Variants in ARL15 observed in about 807,000 individuals in gnomAD.
ARL15 encodes the protein ARF like GTPase 15, also known as ADP-ribosylation factor-like protein 15.
In ARL15, 19 loss-of-function variants were observed where a neutral mutation model predicts 25.2. That is an observed-to-expected ratio of 0.75 (90% CI 0.53 to 1.10). The LOEUF (loss-of-function observed/expected upper bound fraction) is 1.10. Among genes scored for constraint, ARL15 ranks in the 50% least tolerant of loss-of-function variants. The probability of loss-of-function intolerance (pLI) is 0.00; values close to 1 mark genes in which losing one functional copy is unlikely to be tolerated. For synonymous variants in ARL15, 94 were observed against 86.8 expected (o/e 1.08, Z -0.46); for missense variants, 220 against 246.0 (o/e 0.89, Z 0.71).
chr5:53,936,452 G>C (rs1561156713), intron 4 of ARL15, among the ~76,000 whole-genome samples: 1 of 152,174 alleles, frequency 6.6e-6, no homozygotes, highest in African/African-American at 2.4e-5. Context: ...TGACACTATT[G>C]TCTAGCTTGG....
At chr5:54,026,836 AT>A (rs1458371890) in intron 4 of ARL15, among the ~76,000 whole-genome samples, 1 of 152,124 alleles carries the variant, frequency 6.6e-6, no homozygotes, top group Non-Finnish European at 1.5e-5. Flanking sequence ...AGGACTGGGC[AT>A]TTGAGGGTTG....
intron 4 of ARL15, among the ~76,000 whole-genome samples, chr5:54,005,180 A>G (rs1748985374): frequency 6.6e-6 from 1 of 152,066 alleles, no homozygotes; most frequent in African/African-American, 2.4e-5. Flanking sequence ...AGATATGGGA[A>G]CTGAGGCTTC....
At chr5:54,239,805 C>G (rs1756906551) in intron 1 of ARL15, among the ~76,000 whole-genome samples, 1 of 152,134 alleles carries the variant, frequency 6.6e-6, no homozygotes, top group South Asian at 2.1e-4. Context: ...AGATGGGAGG[C>G]TGGGTCCTGG....
intron 4 of ARL15, among the ~76,000 whole-genome samples, chr5:54,106,358 T>C (rs1014547308): frequency 1.3e-5 from 2 of 152,026 alleles, no homozygotes; most frequent in Non-Finnish European, 2.9e-5. Flanking sequence ...CTGGATAAAG[T>C]TGATGGTATG....
chr5:54,092,202 T>C (rs1364520246), intron 4 of ARL15, among the ~76,000 whole-genome samples: 2 of 152,200 alleles, frequency 1.3e-5, no homozygotes, highest in African/African-American at 2.4e-5. Flanking sequence ...TTCCAAGTGA[T>C]GTCCACAATC....
rs186956560 is a variant in ARL15, at chr5:53,920,546, C to T, written c.463-33833G>A. On this transcript the variant is annotated intron_variant, in intron 4 of 4. Transcript: ENST00000504924. ...TGCCAGCAGGTGCAGTGGTTCATGA[C>T]TGCAATCCCAGCACTTTGGGATGGC... Among the ~76,000 whole-genome samples, 865 of 151,966 alleles carry T rather than the reference C, an allele frequency of 5.7e-3. 6 individuals are homozygous for T. The highest frequency in any genetic ancestry group is 8.8e-3 in the Non-Finnish European group (600 of 67,984).
intron 1 of ARL15, among the ~76,000 whole-genome samples, chr5:54,240,661 G>A (rs1241777918): frequency 1.3e-5 from 2 of 152,144 alleles, no homozygotes; most frequent in African/African-American, 2.4e-5. Flanking sequence ...AAAACTGGGT[G>A]AACATGTGAA....
intron 3 of ARL15, among the ~76,000 whole-genome samples, chr5:54,141,792 TAGAA>T (rs1753789497): frequency 1.3e-5 from 2 of 152,234 alleles, no homozygotes; most frequent in South Asian, 4.1e-4. Flanking sequence ...TTTATATAAA[TAGAA>T]TACAAATTTA....
intron 2 of ARL15, among the ~76,000 whole-genome samples, chr5:54,170,383 C>T (rs1754682225): frequency 6.6e-6 from 1 of 152,172 alleles, no homozygotes; most frequent in Admixed American, 6.6e-5. Context: ...CTCAAATGGA[C>T]ATCTGATCAT....
At chr5:54,160,723 G>A (rs1009475841) in intron 2 of ARL15, among the ~76,000 whole-genome samples, 15 of 152,108 alleles carry the variant, frequency 9.9e-5, no homozygotes, top group Non-Finnish European at 1.8e-4. Flanking sequence ...TTATGTCAGA[G>A]GTGAAAAATT....
At chr5:54,260,421 G>T (rs959454636) in intron 1 of ARL15, among the ~76,000 whole-genome samples, 1 of 152,074 alleles carries the variant, frequency 6.6e-6, no homozygotes, top group Non-Finnish European at 1.5e-5. Context: ...GTTTTCTTTT[G>T]ATATGTCTAT....
rs578118071 is a variant in ARL15, at chr5:53,886,241, A to G, written c.*320T>C. On this transcript the variant is annotated 3_prime_UTR_variant, in exon 5 of 5. Coordinates refer to ENST00000504924, the MANE Select transcript of ARL15 (RefSeq NM_019087.3). Reference sequence around the variant, plus strand: ...GTCCTTCAAAAGGGATTTGATTTCCATAAGCCATGAATTCCATCCGTTTCA... The same window carrying G: ...GTCCTTCAAAAGGGATTTGATTTCCGTAAGCCATGAATTCCATCCGTTTCA... The G allele has an allele frequency of 7.7e-5, 14 of 182,194 alleles. No homozygotes were observed. The highest frequency in any genetic ancestry group is 1.5e-4 in the Non-Finnish European group (13 of 88,060). The allele number at this position is 182,194 out of a possible 1,614,324, so 11.3% of individuals were successfully genotyped here. A position where few individuals can be genotyped will look rare whatever the true frequency, so the allele number is the denominator to read the frequency against.
intron 4 of ARL15, among the ~76,000 whole-genome samples, chr5:54,100,206 A>G (rs1752397909): frequency 6.6e-6 from 1 of 152,156 alleles, no homozygotes; most frequent in Admixed American, 6.5e-5. Flanking sequence ...ATTATCATAT[A>G]TTATTTAGAG....
chr5:54,171,703 G>C (rs1373868576), intron 2 of ARL15, 81 bp downstream of exon 2: 2 of 1,439,110 alleles, frequency 1.4e-6, no homozygotes, highest in Non-Finnish European at 1.9e-6. Flanking sequence ...ATAAGTAGAA[G>C]GGAGGGGATA....
At chr5:54,021,633 G>A (rs1749605899) in intron 4 of ARL15, among the ~76,000 whole-genome samples, 2 of 152,106 alleles carry the variant, frequency 1.3e-5, no homozygotes, top group Non-Finnish European at 2.9e-5. Flanking sequence ...GGAACCTGTG[G>A]GACCATAATC....
At position 53,974,012 on chromosome 5, in the gene ARL15, A is replaced by C. The variant is rs189724827; in HGVS notation, c.463-87299T>G. Among the ~76,000 whole-genome samples the C allele has an allele frequency of 2.7e-3, 411 of 152,236 alleles. 1 individual carries two copies. The highest frequency in any genetic ancestry group is 7.3e-3 in the South Asian group (35 of 4,810). On this transcript the variant is annotated intron_variant, in intron 4 of 4. Coordinates refer to ENST00000504924, the MANE Select transcript of ARL15 (RefSeq NM_019087.3). ...AAAGAAGACAAGAGACTAATAACAG[A>C]GTTTTGGGTTTGTGGTCTGTCTGGG... is the stretch of plus-strand genomic sequence containing the variant.
intron 4 of ARL15, among the ~76,000 whole-genome samples, chr5:54,011,153 T>C (rs1181817082): frequency 1.3e-5 from 2 of 152,162 alleles, no homozygotes; most frequent in Non-Finnish European, 2.9e-5. Flanking sequence ...GTTAAGTCTC[T>C]AGAGTGAAAA....
intron 1 of ARL15, among the ~76,000 whole-genome samples, chr5:54,238,926 A>T (rs1756881441): frequency 6.6e-6 from 1 of 152,242 alleles, no homozygotes; most frequent in South Asian, 2.1e-4. Flanking sequence ...TCTAATCCAT[A>T]GCAATCATCC....
chr5:54,171,135 CTT>C (rs1464725622), intron 2 of ARL15, among the ~76,000 whole-genome samples: 2 of 152,188 alleles, frequency 1.3e-5, no homozygotes, highest in Non-Finnish European at 2.9e-5. Context: ...CCTGATAACT[CTT>C]TGCTGTGGGG....
Sources: allele counts gnomAD v4.1 joint callset (sites outside exome capture counted in the v4.1 genomes callset), GRCh38; gene constraint gnomAD v4.1.1; transcripts MANE v1.5; gene names NCBI Gene and HGNC (gene_info 2026-07-23, HGNC 2026-07-21).